Variants in POLR1A observed in about 807,000 individuals in gnomAD.
POLR1A encodes the protein DNA-directed RNA polymerase I subunit RPA1.
In POLR1A, 84 loss-of-function variants were observed where a neutral mutation model predicts 205.3. The ratio of observed to expected loss-of-function variants is 0.41; its 90% CI spans 0.34 to 0.49. The LOEUF (loss-of-function observed/expected upper bound fraction) is 0.49, where lower values mean the gene tolerates loss of function less well. POLR1A is among the 20% of genes least tolerant of loss of function. The pLI is 0.22. For missense variants in POLR1A, 1,645 were observed against 2,204.5 expected, an observed-to-expected ratio of 0.75 and a Z score of 5.08; for synonymous variants, 799 against 863.7, an observed-to-expected ratio of 0.93 and a Z score of 1.31.
intron 3 of POLR1A, among the ~76,000 whole-genome samples, chr2:86,091,712 T>A (rs917107546): frequency 6.6e-6 from 1 of 152,250 alleles, no homozygotes; most frequent in Non-Finnish European, 1.5e-5. Flanking sequence ...TGTAACTTAC[T>A]GTGAGCGCTG....
intron 2 of POLR1A, among the ~76,000 whole-genome samples, chr2:86,099,237 A>G (rs1673766989): frequency 6.6e-6 from 1 of 151,962 alleles, no homozygotes; most frequent in East Asian, 1.9e-4. Flanking sequence ...CGTGCCTGTA[A>G]TCCCAGCTAC....
chr2:86,076,238 A>G (rs1673280826), intron 11 of POLR1A, among the ~76,000 whole-genome samples: 1 of 152,222 alleles, frequency 6.6e-6, no homozygotes, highest in Non-Finnish European at 1.5e-5. Flanking sequence ...TGTCCTACAT[A>G]AAGGAACTTG....
At chr2:86,066,172 C>G (rs1376655526) in intron 13 of POLR1A, among the ~76,000 whole-genome samples, 1 of 152,116 alleles carries the variant, frequency 6.6e-6, no homozygotes. Flanking sequence ...GTGAGCTGGC[C>G]AGTGTTGGGA....
intron 13 of POLR1A, among the ~76,000 whole-genome samples, chr2:86,068,862 G>A (rs755094549): frequency 6.6e-6 from 1 of 152,190 alleles, no homozygotes; most frequent in Non-Finnish European, 1.5e-5. Context: ...CGTGGCAGAC[G>A]GCTGATGGGA....
At chr2:86,102,928 G>A (rs933214664) in intron 1 of POLR1A, among the ~76,000 whole-genome samples, 2 of 152,162 alleles carry the variant, frequency 1.3e-5, no homozygotes, top group Non-Finnish European at 2.9e-5. Flanking sequence ...AATGGGTGTC[G>A]TTAAGGACTG....
At chr2:86,088,952 T>C in intron 4 of POLR1A, 82 bp from the exon 5 acceptor site, 1 of 1,058,650 alleles carries the variant, frequency 9.4e-7, no homozygotes, top group Non-Finnish European at 1.4e-6. Context: ...GTTTTCACCT[T>C]TTATTTTTAA....
At chr2:86,032,207 C>A in intron 29 of POLR1A, 65 bp downstream of exon 29, 5 of 1,117,002 alleles carry the variant, frequency 4.5e-6, no homozygotes, top group Non-Finnish European at 6.9e-6. Context: ...GGGAGATAAT[C>A]CCTCCAGGTT....
intron 19 of POLR1A, 33 bp downstream of exon 19, chr2:86,047,132 C>A: frequency 1.3e-6 from 2 of 1,487,630 alleles, no homozygotes; most frequent in Non-Finnish European, 1.9e-6. Context: ...TTTGCTGACA[C>A]CTGTAAAGCT....
chr2:86,061,590 A>G (rs967131213), intron 14 of POLR1A, among the ~76,000 whole-genome samples: 2 of 152,258 alleles, frequency 1.3e-5, no homozygotes, highest in African/African-American at 4.8e-5. Context: ...CAGTAGCCCC[A>G]TTTGTAACAG....
At chr2:86,051,639 T>G (rs2104397796) in intron 16 of POLR1A, among the ~76,000 whole-genome samples, 1 of 152,322 alleles carries the variant, frequency 6.6e-6, no homozygotes, top group East Asian at 1.9e-4. Context: ...GCGAACAGCG[T>G]GGAAGGGCTG....
intron 5 of POLR1A, 33 bp downstream of exon 5, chr2:86,088,752 C>T (rs750711611): frequency 1.3e-5 from 20 of 1,595,826 alleles, no homozygotes; most frequent in African/African-American, 4.0e-5. Context: ...TGCCCAGAGA[C>T]GTCTCACCTG....
At chr2:86,036,075 C>T (rs1044300073) in intron 27 of POLR1A, among the ~76,000 whole-genome samples, 19 of 152,208 alleles carry the variant, frequency 1.2e-4, no homozygotes, top group Admixed American at 7.2e-4. Flanking sequence ...ACAGGAGGGG[C>T]AGGGGCAGAG....
chr2:86,092,277 C>T (rs751404039), intron 3 of POLR1A, among the ~76,000 whole-genome samples: 12 of 152,190 alleles, frequency 7.9e-5, no homozygotes, highest in Non-Finnish European at 1.3e-4. Flanking sequence ...GCATATCCTA[C>T]GGTCCCTGGA....
intron 14 of POLR1A, among the ~76,000 whole-genome samples, chr2:86,058,886 G>A (rs1358280267): frequency 6.6e-6 from 1 of 152,128 alleles, no homozygotes; most frequent in East Asian, 1.9e-4. Context: ...GGAGGCTGAA[G>A]CTGGAGGATC....
chr2:86,082,012 T>A (rs1348650166), intron 7 of POLR1A, among the ~76,000 whole-genome samples: 1 of 152,084 alleles, frequency 6.6e-6, no homozygotes, highest in African/African-American at 2.4e-5. Flanking sequence ...TTGTATTTTT[T>A]TTTTTAAGAG....
intron 14 of POLR1A, among the ~76,000 whole-genome samples, chr2:86,059,174 C>T (rs980000802): frequency 6.6e-6 from 1 of 152,186 alleles, no homozygotes; most frequent in African/African-American, 2.4e-5. Context: ...TGTACAGACA[C>T]AGAATGAGCC....
chr2:86,052,775 G>A lies in POLR1A; in HGVS notation c.2392+42C>T, dbSNP rs144209258. 1.8e-4 allele frequency: 255 copies of A among 1,450,102 alleles called. No homozygotes were observed. The African/African-American group carries it at 3.0e-3, about 17-fold the overall frequency. 89.8% of individuals were successfully genotyped at this position (1,450,102 alleles called of 1,614,324 possible). On this transcript the variant is annotated intron_variant, in intron 16 of 33. Coordinates refer to ENST00000263857, the MANE Select transcript of POLR1A (RefSeq NM_015425.6). ...GCCTGGGAGATGGCCAGGCGGCTGC[G>A]CTGACGGGTCACTGCCCCAGGGCAG...
intron 1 of POLR1A, among the ~76,000 whole-genome samples, chr2:86,104,260 A>G (rs894166839): frequency 4.6e-5 from 7 of 152,106 alleles, no homozygotes; most frequent in African/African-American, 1.7e-4. Context: ...ACACAGTAGC[A>G]ATTGGGAGAA....
chr2:86,033,288 C>G (rs1417690619), intron 28 of POLR1A, among the ~76,000 whole-genome samples: 1 of 152,276 alleles, frequency 6.6e-6, no homozygotes, highest in Non-Finnish European at 1.5e-5. Flanking sequence ...TTCATCTTGC[C>G]TGGGCAAGTC....
Sources: gnomAD v4.1 joint callset for allele counts (sites outside exome capture counted in the v4.1 genomes callset) on GRCh38, gnomAD v4.1.1 for gene constraint, MANE v1.5 for transcripts, NCBI Gene and HGNC (gene_info 2026-07-23, HGNC 2026-07-21) for gene names.